Variants in COBLL1 observed in about 807,000 individuals in gnomAD.
The protein encoded by COBLL1 is cordon-bleu protein-like 1.
Under a neutral mutation model 94.8 loss-of-function variants are expected in COBLL1, and 50 were observed. The ratio of observed to expected loss-of-function variants is 0.53; its 90% confidence interval spans 0.42 to 0.67. COBLL1 has a LOEUF of 0.67. Among genes scored for constraint, COBLL1 ranks in the 30% least tolerant of loss-of-function variants. COBLL1 has a pLI of 0.00. For synonymous variants in COBLL1, 448 were observed against 473.8 expected (o/e 0.95, Z 0.71); for missense variants, 1,362 against 1,348.7 (o/e 1.01, Z -0.15).
chr2:164,744,949 T>C (rs949758851), intron 2 of COBLL1, among the ~76,000 whole-genome samples: 1 of 152,166 alleles, frequency 6.6e-6, no homozygotes, highest in East Asian at 1.9e-4. Context: ...AGTAATGACA[T>C]ATTTATGGTT....
At chr2:164,800,340 T>C (rs1683703856) in intron 2 of COBLL1, among the ~76,000 whole-genome samples, 1 of 152,154 alleles carries the variant, frequency 6.6e-6, no homozygotes, top group African/African-American at 2.4e-5. Flanking sequence ...ATCAAGTGCC[T>C]TTATGAAAAT....
chr2:164,718,132 C>T (rs1248251704), intron 7 of COBLL1: 10 of 417,526 alleles, frequency 2.4e-5, no homozygotes, highest in Non-Finnish European at 3.2e-5. Context: ...GTGACACATT[C>T]TCATTGTATA....
At chr2:164,807,801 CTTTAT>C (rs144553538) in intron 2 of COBLL1, among the ~76,000 whole-genome samples, 3,562 of 151,862 alleles carry the variant, frequency 0.023, 94 homozygotes, top group African/African-American at 0.076. Flanking sequence ...TTTGTTTGAG[CTTTAT>C]TTTATTTTAT....
chr2:164,754,933 G>A (rs960962444), intron 2 of COBLL1, among the ~76,000 whole-genome samples: 7 of 152,074 alleles, frequency 4.6e-5, no homozygotes, highest in African/African-American at 7.2e-5. Context: ...CAGCATTTTC[G>A]GAGCCCATGG....
At chr2:164,701,776 G>A (rs1321254585) in intron 9 of COBLL1, among the ~76,000 whole-genome samples, 3 of 152,032 alleles carry the variant, frequency 2.0e-5, no homozygotes, top group Non-Finnish European at 4.4e-5. Context: ...ATTAGCCATG[G>A]AAGTAAATGT....
At chr2:164,672,274 T>C (rs1372636812) in intron 1 of COBLL1, among the ~76,000 whole-genome samples, 1 of 152,232 alleles carries the variant, frequency 6.6e-6, no homozygotes, top group East Asian at 1.9e-4. Flanking sequence ...GTCCCTTCAG[T>C]GCCTCCTGAA....
chr2:164,721,377 G>C (rs1471860930), intron 7 of COBLL1, among the ~76,000 whole-genome samples: 2 of 152,080 alleles, frequency 1.3e-5, no homozygotes. Flanking sequence ...GATAAAGCAA[G>C]GAATATGCAG....
intron 2 of COBLL1, among the ~76,000 whole-genome samples, chr2:164,755,616 T>C (rs962851906): frequency 7.9e-5 from 12 of 152,156 alleles, no homozygotes; most frequent in African/African-American, 2.7e-4. Flanking sequence ...AGATGAAGCT[T>C]TATTGTAATT....
intron 2 of COBLL1, chr2:164,837,486 A>G (rs1286608420): frequency 2.2e-6 from 1 of 464,268 alleles, no homozygotes; most frequent in Admixed American, 2.4e-5. Flanking sequence ...AGTGTCTCCA[A>G]CATTTTTGCT....
At chr2:164,698,385 A>ATT (rs1684062880) in intron 11 of COBLL1, 3 of 119,698 alleles carry the variant, frequency 2.5e-5, no homozygotes, top group African/African-American at 1.2e-4. Flanking sequence ...CACACATACA[A>ATT]TTATATATAT....
At chr2:164,817,739 C>T (rs1169479818) in intron 2 of COBLL1, among the ~76,000 whole-genome samples, 4 of 152,098 alleles carry the variant, frequency 2.6e-5, no homozygotes, top group African/African-American at 9.7e-5. Context: ...GTCAGCGCAA[C>T]AGTTCCCTCT....
chr2:164,669,231 C>G (rs1466505456), intron 1 of COBLL1, among the ~76,000 whole-genome samples: 2 of 152,150 alleles, frequency 1.3e-5, no homozygotes, highest in Non-Finnish European at 2.9e-5. Flanking sequence ...CATTCAATAG[C>G]CTTTGTTACA....
In COBLL1 at chr2:164,809,801, A is replaced by G. The variant is rs567718227; in HGVS notation, c.41+31355T>C. On this transcript the variant is annotated intron_variant, in intron 2 of 13. Transcript: ENST00000652658. ...TCAAATACAAGCACTGTACACATTT[A>G]AGCTCAAAATTTTATGCAAGATATT... Among the ~76,000 whole-genome samples the G allele has an allele frequency of 2.2e-4, 34 of 152,010 alleles. No individual in the cohort carries two copies. The South Asian group carries it at 6.6e-3, about 30-fold the overall frequency.
chr2:164,731,554 G>C (rs1686012839), intron 3 of COBLL1, among the ~76,000 whole-genome samples: 1 of 152,108 alleles, frequency 6.6e-6, no homozygotes, highest in Non-Finnish European at 1.5e-5. Context: ...CCAAATGTCA[G>C]GTGATCCTAA....
rs1304758177 is a variant in COBLL1 at position 164,818,315 on chromosome 2, CGT to C, written c.41+22839_41+22840del. Among the ~76,000 whole-genome samples the C allele has an allele frequency of 9.1e-4, 90 of 99,212 alleles. 2 individuals are homozygous for C. The highest frequency in any genetic ancestry group is 3.0e-3 in the African/African-American group (73 of 24,706). The allele number at this position is 99,212 out of a possible 152,430, so 65.1% of individuals were successfully genotyped here. On this transcript the variant is annotated intron_variant, in intron 2 of 13. Coordinates refer to ENST00000652658, the MANE Select transcript of COBLL1 (RefSeq NM_001365672.2). ...ATGTATACATATGTATACATATACA[CGT>C]GTGTATGTATACATATATGTATATA...
intron 2 of COBLL1, among the ~76,000 whole-genome samples, chr2:164,838,331 C>A (rs528914847): frequency 6.6e-6 from 1 of 152,302 alleles, no homozygotes; most frequent in South Asian, 2.1e-4. Context: ...GAAAAAGCAG[C>A]AGCTGAGAGG....
chr2:164,747,914 T>C (rs974548222), intron 2 of COBLL1, among the ~76,000 whole-genome samples: 6 of 152,080 alleles, frequency 3.9e-5, no homozygotes, highest in Admixed American at 2.0e-4. Flanking sequence ...GAATGTGCAA[T>C]ACAACCGAGA....
intron 3 of COBLL1, among the ~76,000 whole-genome samples, chr2:164,737,817 C>T (rs1362387928): frequency 1.3e-5 from 2 of 152,146 alleles, no homozygotes; most frequent in African/African-American, 4.8e-5. Context: ...ATGTAAAATG[C>T]TCCCGAGTTC....
chr2:164,763,279 T>G (rs903768332), intron 2 of COBLL1, among the ~76,000 whole-genome samples: 1 of 151,990 alleles, frequency 6.6e-6, no homozygotes, highest in African/African-American at 2.4e-5. Flanking sequence ...TTGAAAAAAA[T>G]GTCTTTTTTC....
Sources: gnomAD v4.1 joint callset for allele counts (sites outside exome capture counted in the v4.1 genomes callset) on GRCh38, gnomAD v4.1.1 for gene constraint, MANE v1.5 for transcripts, NCBI Gene and HGNC (gene_info 2026-07-23, HGNC 2026-07-21) for gene names.